The following NOL4 variants were observed in gnomAD, a reference collection of about 807,000 sequenced individuals.
The protein encoded by NOL4 is nucleolar protein 4, also known as cancer/testis antigen 125.
In NOL4, 17 loss-of-function variants were observed where a neutral mutation model predicts 75.9. The observed-to-expected ratio is 0.22, with a 90% CI of 0.15 to 0.34. The LOEUF is 0.34. Ranked by LOEUF, NOL4 falls within the 10% of genes least tolerant of loss-of-function variation. NOL4 has a pLI of 1.00. For synonymous variants in NOL4, 292 were observed against 289.9 expected (o/e 1.01, Z -0.07); for missense variants, 614 against 793.5 (o/e 0.77, Z 2.72).
intron 1 of NOL4, among the ~76,000 whole-genome samples, chr18:34,171,721 T>C (rs551652819): frequency 6.8e-4 from 104 of 152,286 alleles, no homozygotes; most frequent in East Asian, 5.6e-3. Flanking sequence ...AAAGAGATGA[T>C]AATTGGATAG....
intron 5 of NOL4, among the ~76,000 whole-genome samples, chr18:34,026,822 C>T (rs1352164937): frequency 6.6e-6 from 1 of 152,134 alleles, no homozygotes; most frequent in Non-Finnish European, 1.5e-5. Flanking sequence ...AGTTTATCGA[C>T]ATCTTAAAGA....
At chr18:34,159,243 C>T (rs540552885) in intron 1 of NOL4, among the ~76,000 whole-genome samples, 1 of 152,300 alleles carries the variant, frequency 6.6e-6, no homozygotes, top group Non-Finnish European at 1.5e-5. Flanking sequence ...CGCCGCGCTC[C>T]GCGAGGGGGA....
chr18:34,012,868 T>C (rs1257836934), intron 6 of NOL4, among the ~76,000 whole-genome samples: 2 of 152,032 alleles, frequency 1.3e-5, no homozygotes, highest in African/African-American at 4.8e-5. Flanking sequence ...CTGTATAGCT[T>C]GCCTGTCATA....
intron 5 of NOL4, among the ~76,000 whole-genome samples, chr18:34,044,163 CCAT>C (rs1358809979): frequency 1.3e-5 from 2 of 151,888 alleles, no homozygotes; most frequent in African/African-American, 4.8e-5. Flanking sequence ...TTTTATTTCT[CCAT>C]CAATTAAAAA....
At chr18:33,925,973 T>C (rs1486483563) in intron 9 of NOL4, among the ~76,000 whole-genome samples, 2 of 152,072 alleles carry the variant, frequency 1.3e-5, no homozygotes, top group African/African-American at 2.4e-5. Flanking sequence ...ATTTTATAAT[T>C]TGAATAATTT....
At chr18:34,001,034 C>T (rs750515882) in intron 6 of NOL4, among the ~76,000 whole-genome samples, 5 of 151,966 alleles carry the variant, frequency 3.3e-5, no homozygotes, top group Non-Finnish European at 7.4e-5. Flanking sequence ...CACAGAAAAA[C>T]AAGAAAGTAA....
At chr18:33,900,943 T>C (rs1193854479) in intron 9 of NOL4, among the ~76,000 whole-genome samples, 1 of 152,196 alleles carries the variant, frequency 6.6e-6, no homozygotes, top group African/African-American at 2.4e-5. Flanking sequence ...GATGCATTAT[T>C]TGTTATGTCT....
intron 9 of NOL4, among the ~76,000 whole-genome samples, chr18:33,906,474 C>T (rs1200099983): frequency 3.9e-5 from 6 of 152,248 alleles, no homozygotes; most frequent in East Asian, 1.9e-4. Context: ...GGCTGTTGTG[C>T]GGTGAGCTGA....
intron 1 of NOL4, among the ~76,000 whole-genome samples, chr18:34,154,852 T>C (rs753079358): frequency 7.2e-5 from 11 of 152,002 alleles, no homozygotes; most frequent in Admixed American, 1.3e-4. Flanking sequence ...TTCTGATACA[T>C]GTGTGGATAG....
intron 9 of NOL4, among the ~76,000 whole-genome samples, chr18:33,906,927 T>C (rs564987523): frequency 1.7e-4 from 26 of 152,302 alleles, no homozygotes; most frequent in African/African-American, 6.3e-4. Context: ...TAATTATCTT[T>C]ATGAAAAATG....
At chr18:34,151,755 T>C (rs985442773) in intron 1 of NOL4, among the ~76,000 whole-genome samples, 8 of 151,894 alleles carry the variant, frequency 5.3e-5, no homozygotes, top group African/African-American at 1.7e-4. Flanking sequence ...TGTACCACTT[T>C]GGTGCAGGAT....
At chr18:33,969,992 T>C (rs1249387737) in intron 6 of NOL4, among the ~76,000 whole-genome samples, 3 of 152,208 alleles carry the variant, frequency 2.0e-5, no homozygotes, top group Non-Finnish European at 4.4e-5. Context: ...TTGTCATGCG[T>C]TGAAATCGCC....
At chr18:34,007,709 A>G (rs1374095539) in intron 6 of NOL4, among the ~76,000 whole-genome samples, 1 of 152,054 alleles carries the variant, frequency 6.6e-6, no homozygotes, top group Non-Finnish European at 1.5e-5. Context: ...AAGCAACTGC[A>G]TATCAGAAGA....
intron 9 of NOL4, among the ~76,000 whole-genome samples, chr18:33,898,233 T>A (rs1458602734): frequency 1.3e-5 from 2 of 152,174 alleles, no homozygotes; most frequent in African/African-American, 4.8e-5. Flanking sequence ...CCTAAATTAT[T>A]TTTTTCTTAA....
intron 5 of NOL4, among the ~76,000 whole-genome samples, chr18:34,023,098 T>C (rs2075137471): frequency 6.6e-6 from 1 of 152,196 alleles, no homozygotes; most frequent in Admixed American, 6.5e-5. Flanking sequence ...AACAAATACA[T>C]GATTTACTCA....
At chr18:34,011,654 A>G (rs2074380612) in intron 6 of NOL4, among the ~76,000 whole-genome samples, 1 of 151,798 alleles carries the variant, frequency 6.6e-6, no homozygotes, top group Non-Finnish European at 1.5e-5. Context: ...AAAAAACAAA[A>G]AACAGAAAGC....
intron 5 of NOL4, among the ~76,000 whole-genome samples, chr18:34,069,875 T>C (rs1214932360): frequency 6.6e-6 from 1 of 152,152 alleles, no homozygotes; most frequent in Non-Finnish European, 1.5e-5. Flanking sequence ...CAGACAGATC[T>C]CCTAATTTTA....
chr18:33,991,047 T>C (rs1324720931), intron 6 of NOL4, among the ~76,000 whole-genome samples: 4 of 152,084 alleles, frequency 2.6e-5, no homozygotes, highest in East Asian at 1.9e-4. Context: ...TCCAATTCTT[T>C]GGGTCAAATT....
At chr18:33,926,309 G>A (rs755394778) in intron 9 of NOL4, among the ~76,000 whole-genome samples, 13 of 127,782 alleles carry the variant, frequency 1.0e-4, no homozygotes, top group African/African-American at 2.4e-4. Context: ...GTAGTGAGCC[G>A]AGATCATGCC....
Sources: gnomAD v4.1 joint callset for allele counts (sites outside exome capture counted in the v4.1 genomes callset) on GRCh38, gnomAD v4.1.1 for gene constraint, MANE v1.5 for transcripts, NCBI Gene and HGNC (gene_info 2026-07-23, HGNC 2026-07-21) for gene names.